SH2D4B: variants seen among roughly 807,000 people sequenced by gnomAD.
SH2D4B encodes SH2 domain containing 4B.
SH2D4B carries 45 observed loss-of-function variants against 61.5 expected under a neutral mutation model. The ratio of observed to expected loss-of-function variants is 0.73; its 90% CI spans 0.58 to 0.94. The LOEUF (loss-of-function observed/expected upper bound fraction) is 0.94. Ranked by LOEUF, SH2D4B falls within the 40% of genes least tolerant of loss-of-function variation. The pLI is 0.00. For synonymous variants in SH2D4B, 224 were observed against 220.4 expected (o/e 1.02, Z -0.14); for missense variants, 572 against 574.2 (o/e 1.00, Z 0.04).
chr10:80,549,207 G>GTGTGTA, intron 1 of SH2D4B, among the ~76,000 whole-genome samples: 1 of 120,232 alleles, frequency 8.3e-6, no homozygotes, highest in East Asian at 2.0e-4. Flanking sequence ...ACTTGATTGT[G>GTGTGTA]TGTGTGTGTG....
At chr10:80,614,587 T>C (rs763690800) in intron 6 of SH2D4B, among the ~76,000 whole-genome samples, 2 of 152,262 alleles carry the variant, frequency 1.3e-5, no homozygotes, top group African/African-American at 2.4e-5. Flanking sequence ...AAGAGCATTT[T>C]TGATGGCTGC....
intron 7 of SH2D4B, among the ~76,000 whole-genome samples, chr10:80,639,691 G>T (rs1475018092): frequency 4.6e-5 from 7 of 152,130 alleles, no homozygotes; most frequent in African/African-American, 1.7e-4. Context: ...TGTGAGATGG[G>T]TCTCCTGAAT....
intron 1 of SH2D4B, among the ~76,000 whole-genome samples, chr10:80,553,747 C>T (rs1841791754): frequency 6.6e-6 from 1 of 152,196 alleles, no homozygotes; most frequent in Non-Finnish European, 1.5e-5. Flanking sequence ...ACAGCAAAGG[C>T]AGTGCTGAAT....
chr10:80,606,105 G>A (rs1219461079), intron 5 of SH2D4B, among the ~76,000 whole-genome samples: 1 of 152,108 alleles, frequency 6.6e-6, no homozygotes, highest in Non-Finnish European at 1.5e-5. Flanking sequence ...TGGGACGGGT[G>A]CCCATGGCCT....
chr10:80,617,485 T>C (rs893758804), intron 6 of SH2D4B, among the ~76,000 whole-genome samples: 3 of 152,228 alleles, frequency 2.0e-5, no homozygotes, highest in African/African-American at 7.2e-5. Flanking sequence ...ACAGACTCCC[T>C]GAGTAAAGGC....
intron 6 of SH2D4B, among the ~76,000 whole-genome samples, chr10:80,629,036 A>AAAAAAAAAAAAAAAAAAG (rs142895629): frequency 2.1e-5 from 3 of 144,878 alleles, no homozygotes; most frequent in African/African-American, 8.0e-5. Context: ...TCTCAAAAAA[A>AAAAAAAAAAAAAAAAAAG]AAAAAGAAAA....
At chr10:80,552,129 G>A (rs904862501) in intron 1 of SH2D4B, among the ~76,000 whole-genome samples, 12 of 152,072 alleles carry the variant, frequency 7.9e-5, no homozygotes, top group African/African-American at 2.9e-4. Context: ...CATTACACTG[G>A]GACTAGGGTT....
At chr10:80,612,872 A>G (rs1481555442) in intron 6 of SH2D4B, among the ~76,000 whole-genome samples, 2 of 152,248 alleles carry the variant, frequency 1.3e-5, no homozygotes, top group Non-Finnish European at 2.9e-5. Context: ...AAAGAATCTG[A>G]AGATATGGGG....
intron 6 of SH2D4B, among the ~76,000 whole-genome samples, chr10:80,632,908 T>G (rs1361495830): frequency 6.6e-6 from 1 of 151,614 alleles, no homozygotes; most frequent in African/African-American, 2.4e-5. Context: ...TTTCTGCTTG[T>G]AGAGCTTGGC....
intron 1 of SH2D4B, among the ~76,000 whole-genome samples, chr10:80,550,689 T>G (rs1205147909): frequency 6.6e-6 from 1 of 152,214 alleles, no homozygotes; most frequent in Admixed American, 6.5e-5. Flanking sequence ...ACATCCTGAT[T>G]GAAGAAATGT....
intron 1 of SH2D4B, among the ~76,000 whole-genome samples, chr10:80,554,437 C>CGTGT (rs139368172): frequency 1.3e-4 from 19 of 149,820 alleles, no homozygotes; most frequent in South Asian, 4.3e-4. Context: ...ATTGGATGTA[C>CGTGT]GTGTGTGTGT....
intron 3 of SH2D4B, among the ~76,000 whole-genome samples, chr10:80,572,963 TA>T (rs1842070715): frequency 6.3e-4 from 6 of 9,480 alleles, no homozygotes; most frequent in African/African-American, 8.6e-4. Flanking sequence ...TATATATATA[TA>T]TATATATATA....
intron 1 of SH2D4B, among the ~76,000 whole-genome samples, chr10:80,548,408 C>G (rs1841709574): frequency 6.6e-6 from 1 of 152,166 alleles, no homozygotes. Flanking sequence ...ACATAATCTG[C>G]CCACCTCGGC....
intron 6 of SH2D4B, among the ~76,000 whole-genome samples, chr10:80,617,968 C>T (rs193261841): frequency 1.8e-4 from 27 of 152,308 alleles, no homozygotes; most frequent in East Asian, 1.5e-3. Flanking sequence ...TGTGGTCAGG[C>T]AGGTGATCTG....
At chr10:80,570,346 G>A (rs1424164688) in intron 2 of SH2D4B, 30 bp downstream of exon 2, 2 of 1,608,970 alleles carry the variant, frequency 1.2e-6, no homozygotes, top group Admixed American at 3.4e-5. Flanking sequence ...GTTGGGTGGG[G>A]CCTAGGCATG....
chr10:80,640,373 T>G (rs946614308), intron 7 of SH2D4B, among the ~76,000 whole-genome samples: 2 of 152,230 alleles, frequency 1.3e-5, no homozygotes, highest in African/African-American at 4.8e-5. Flanking sequence ...GATAATATCC[T>G]GAAGAGTGTT....
intron 4 of SH2D4B, among the ~76,000 whole-genome samples, chr10:80,590,298 C>T (rs564384244): frequency 5.9e-5 from 9 of 152,230 alleles, no homozygotes; most frequent in Admixed American, 1.3e-4. Context: ...GAGACAGTGG[C>T]TCAGAGTGTG....
At chr10:80,549,473 G>A (rs145877837) in intron 1 of SH2D4B, among the ~76,000 whole-genome samples, 1 of 152,232 alleles carries the variant, frequency 6.6e-6, no homozygotes, top group Non-Finnish European at 1.5e-5. Flanking sequence ...GCAGATGAGT[G>A]AGCTCCTCAG....
chr10:80,539,980 C>T lies in SH2D4B; in HGVS notation c.184+1465C>T, dbSNP rs1841556864. ...TGACAAGCCACCTTGCCAGCACCAC[C>T]CGGCCTGAGCCCTGGGGACTCATGA... On this transcript the variant is annotated intron_variant, in intron 1 of 7. Coordinates refer to ENST00000646907, the MANE Select transcript of SH2D4B (RefSeq NM_001388272.1). The surrounding 1 kb of genome is among the most constrained non-coding windows in gnomAD (Gnocchi z 4.9). Among the ~76,000 whole-genome samples, 1 of 152,092 alleles carries T rather than the reference C, an allele frequency of 6.6e-6. No homozygotes were observed. Among genetic ancestry groups the T allele is most frequent in the African/African-American group, 2.4e-5 (1 of 41,408 alleles).
Sources: allele counts gnomAD v4.1 joint callset (sites outside exome capture counted in the v4.1 genomes callset), GRCh38; gene constraint gnomAD v4.1.1; non-coding constraint Gnocchi (gnomAD v3.1); transcripts MANE v1.5; gene names NCBI Gene and HGNC (gene_info 2026-07-23, HGNC 2026-07-21).